Variants in CLPB observed in about 807,000 individuals in gnomAD.
CLPB encodes the protein ClpB family mitochondrial disaggregase, also known as mitochondrial disaggregase.
Under a neutral mutation model 78.4 loss-of-function variants are expected in CLPB, and 40 were observed. That is an observed-to-expected ratio of 0.51 (90% CI 0.40 to 0.66). The LOEUF is 0.66. Ranked by LOEUF, CLPB falls within the 30% of genes least tolerant of loss-of-function variation. The probability of loss-of-function intolerance (pLI) is 0.00; values close to 1 mark genes in which losing one functional copy is unlikely to be tolerated. For synonymous variants in CLPB, 333 were observed against 348.0 expected (o/e 0.96, Z 0.48); for missense variants, 780 against 886.9 (o/e 0.88, Z 1.53).
chr11:72,302,947 A>G (rs1013434797), intron 9 of CLPB: 2 of 154,180 alleles, frequency 1.3e-5, no homozygotes, highest in African/African-American at 4.8e-5. Context: ...ATTTCATTAA[A>G]AAAGATATCC....
At chr11:72,369,988 T>C (rs1951014832) in intron 4 of CLPB, among the ~76,000 whole-genome samples, 1 of 152,154 alleles carries the variant, frequency 6.6e-6, no homozygotes, top group East Asian at 1.9e-4. Flanking sequence ...AATGTCTCAG[T>C]GAGAGATAAT....
At chr11:72,414,719 T>C (rs927674108) in intron 2 of CLPB, among the ~76,000 whole-genome samples, 1 of 152,140 alleles carries the variant, frequency 6.6e-6, no homozygotes, top group Admixed American at 6.5e-5. Context: ...CACAAATAAG[T>C]GCACTAAGTA....
Position 72,434,352 on chromosome 11 carries a change from A to C in CLPB, c.123T>G (p.Ser41Arg). Residue 41 changes from serine (S) to arginine (R), a missense_variant, in exon 1 of 16, where the codon AGT (serine) becomes AGG (arginine). By Grantham distance (110) the Ser-to-Arg change is moderately radical. Coordinates refer to ENST00000538039, the MANE Select transcript of CLPB (RefSeq NM_001258392.3). ...GASGRNVTTG[S>R]LGEPQWLRVA... is the part of the protein sequence containing the mutation. ...CCCTCAGCCACTGCGGCTCCCCGAG[A>C]CTCCCAGTAGTCACATTCCGGCCGG... 1 of 1,611,634 alleles carries C rather than the reference A, an allele frequency of 6.2e-7. No individual in the cohort carries two copies. Among genetic ancestry groups the C allele is most frequent in the Middle Eastern group, 1.7e-4 (1 of 6,054 alleles).
At chr11:72,295,403 C>T in intron 12 of CLPB, 89 bp downstream of exon 12, 1 of 1,437,160 alleles carries the variant, frequency 7.0e-7, no homozygotes, top group Non-Finnish European at 9.6e-7. Context: ...GAACCTTCAC[C>T]TGGGCCCAGG....
At chr11:72,347,685 AC>A (rs1168870464) in intron 5 of CLPB, among the ~76,000 whole-genome samples, 1 of 152,044 alleles carries the variant, frequency 6.6e-6, no homozygotes, top group African/African-American at 2.4e-5. Flanking sequence ...ACACAGAATA[AC>A]CCCCCACCCT....
At chr11:72,387,282 CATA>C in intron 3 of CLPB, among the ~76,000 whole-genome samples, 1 of 152,300 alleles carries the variant, frequency 6.6e-6, no homozygotes, top group Middle Eastern at 3.4e-3. Context: ...TTTGTGGCCT[CATA>C]ATAATTATTA....
In CLPB at chr11:72,409,245, T is replaced by C. The variant is rs140564790; in HGVS notation, c.456-6193A>G. Among the ~76,000 whole-genome samples the C allele has an allele frequency of 3.3e-3, 495 of 152,180 alleles. 3 individuals are homozygous for C. Among genetic ancestry groups the C allele is most frequent in the African/African-American group, 0.011 (461 of 41,546 alleles). On this transcript the variant is annotated intron_variant, in intron 2 of 15. Transcript: ENST00000538039. Reference sequence around the variant, plus strand: ...AGGGCAGCAGTAGGTGACCCCTATCTGGGGATTGCCCAGGGTGGTAGACAC... The same window carrying C: ...AGGGCAGCAGTAGGTGACCCCTATCCGGGGATTGCCCAGGGTGGTAGACAC...
intron 5 of CLPB, among the ~76,000 whole-genome samples, chr11:72,343,878 C>G (rs1950463575): frequency 6.6e-6 from 1 of 152,098 alleles, no homozygotes; most frequent in African/African-American, 2.4e-5. Context: ...ACCCTGTGCC[C>G]AGAACAGTAA....
chr11:72,395,924 T>C (rs540650790), intron 3 of CLPB, among the ~76,000 whole-genome samples: 1 of 152,280 alleles, frequency 6.6e-6, no homozygotes, highest in South Asian at 2.1e-4. Context: ...AGAACACCCA[T>C]GGAGCTGTTG....
chr11:72,372,271 T>C (rs1219780115), intron 4 of CLPB, among the ~76,000 whole-genome samples: 1 of 152,212 alleles, frequency 6.6e-6, no homozygotes, highest in Non-Finnish European at 1.5e-5. Context: ...AGGAGGAGGA[T>C]GTAGAAACAC....
At chr11:72,414,778 C>T (rs573915210) in intron 2 of CLPB, among the ~76,000 whole-genome samples, 15 of 152,192 alleles carry the variant, frequency 9.9e-5, no homozygotes, top group Non-Finnish European at 1.8e-4. Flanking sequence ...CACAACTCAC[C>T]GCCTTGCAAA....
At position 72,434,059 on chromosome 11, in the gene CLPB, A is replaced by G; in HGVS notation, c.403+13T>C. 2 of 1,607,272 alleles carry G rather than the reference A, an allele frequency of 1.2e-6. No individual in the cohort carries two copies. The highest frequency in any genetic ancestry group is 1.7e-6 in the Non-Finnish European group (2 of 1,179,286). ...CCGCCTCTCCCTTCCTCAAACCCAG[A>G]TCTCATAATCACCCTTGTTGGACGG... On this transcript the variant is annotated intron_variant, in intron 1 of 15. Coordinates refer to ENST00000538039, the MANE Select transcript of CLPB (RefSeq NM_001258392.3).
intron 4 of CLPB, among the ~76,000 whole-genome samples, chr11:72,376,313 T>G (rs1256869437): frequency 6.6e-6 from 1 of 152,156 alleles, no homozygotes; most frequent in Non-Finnish European, 1.5e-5. Flanking sequence ...ATATATTGGT[T>G]GAATGGCTTA....
At chr11:72,379,159 A>T (rs962542980) in intron 4 of CLPB, among the ~76,000 whole-genome samples, 1 of 152,218 alleles carries the variant, frequency 6.6e-6, no homozygotes, top group Non-Finnish European at 1.5e-5. Context: ...ATACCACGTC[A>T]GTCTGGCAGC....
intron 6 of CLPB, among the ~76,000 whole-genome samples, chr11:72,327,803 C>A (rs189809730): frequency 3.9e-5 from 6 of 152,312 alleles, no homozygotes; most frequent in African/African-American, 1.4e-4. Flanking sequence ...TCCTGACCTG[C>A]TCCTAGGACA....
At chr11:72,371,533 AAAAAT>A (rs5792587) in intron 4 of CLPB, among the ~76,000 whole-genome samples, 85,980 of 125,582 alleles carry the variant, frequency 0.68, 31,011 homozygotes, top group Middle Eastern at 0.79. Flanking sequence ...ACTCTGTCTC[AAAAAT>A]AAAATAAAAT....
intron 4 of CLPB, among the ~76,000 whole-genome samples, chr11:72,370,410 T>C (rs1232722183): frequency 6.6e-6 from 1 of 152,198 alleles, no homozygotes; most frequent in Non-Finnish European, 1.5e-5. Context: ...GGCCAAAATG[T>C]ATCCTGGTAA....
intron 3 of CLPB, 92 bp from the exon 4 acceptor site, chr11:72,380,476 T>G: frequency 1.1e-6 from 1 of 936,626 alleles, no homozygotes; most frequent in Admixed American, 1.9e-5. Context: ...GGACTGGAGC[T>G]GTCTCTGCTC....
chr11:72,405,802 C>T (rs748410179), intron 2 of CLPB, among the ~76,000 whole-genome samples: 2 of 152,026 alleles, frequency 1.3e-5, no homozygotes, highest in African/African-American at 4.8e-5. Flanking sequence ...GTGGCAGGCA[C>T]GTGTAGTCCC....
Sources: allele counts gnomAD v4.1 joint callset (sites outside exome capture counted in the v4.1 genomes callset), GRCh38; gene constraint gnomAD v4.1.1; transcripts MANE v1.5; gene names NCBI Gene and HGNC (gene_info 2026-07-23, HGNC 2026-07-21).